The following KLHL3 variants were observed in gnomAD, a reference collection of about 807,000 sequenced individuals.
KLHL3 encodes the protein kelch-like protein 3.
A neutral mutation model predicts 70.5 loss-of-function variants in KLHL3; 19 were observed. That is an observed-to-expected ratio of 0.27 (90% CI 0.19 to 0.40). The LOEUF is 0.40. KLHL3 is among the 10% of genes least tolerant of loss of function. The pLI is 1.00. For synonymous variants in KLHL3, 258 were observed against 290.3 expected, an observed-to-expected ratio of 0.89 and a Z score of 1.13; for missense variants, 512 against 771.1, an observed-to-expected ratio of 0.66 and a Z score of 3.98.
At chr5:137,664,776 C>A (rs537518124) in intron 6 of KLHL3, among the ~76,000 whole-genome samples, 2 of 152,132 alleles carry the variant, frequency 1.3e-5, no homozygotes, top group East Asian at 1.9e-4. Flanking sequence ...TGTAACCATG[C>A]CACTGCACTC....
At position 137,625,871 on chromosome 5, in the gene KLHL3, C is replaced by G. The variant is rs567426394; in HGVS notation, c.1617G>C (p.Leu539=). 3.1e-6 allele frequency: 5 copies of G among 1,614,204 alleles called. No homozygotes were observed. Among genetic ancestry groups the G allele is most frequent in the African/African-American group, 1.3e-5 (1 of 75,042 alleles). The change falls in exon 14 of 15, where the codon CTG becomes CTC. Residue 539 remains leucine, a synonymous_variant. Transcript: ENST00000309755. ...ATCCATCATCCCCTCCAACCACATA[C>G]AGGAGCCCATTTACTGCACAGACCC... ...NAGVCAVNGL[L]YVVGGDDGSC...
chr5:137,682,798 C>T (rs1248446922), intron 5 of KLHL3, among the ~76,000 whole-genome samples: 1 of 152,196 alleles, frequency 6.6e-6, no homozygotes, highest in Non-Finnish European at 1.5e-5. Context: ...ATACCGAGCT[C>T]TAAAATTATT....
intron 5 of KLHL3, among the ~76,000 whole-genome samples, chr5:137,688,343 A>G (rs1008246339): frequency 2.0e-5 from 3 of 152,198 alleles, no homozygotes. Flanking sequence ...GAAAAGTAGG[A>G]GGGCCTGCTC....
chr5:137,658,114 A>G lies in KLHL3; in HGVS notation c.903+17T>C. 2 of 1,601,846 alleles carry G rather than the reference A, an allele frequency of 1.2e-6. No individual in the cohort carries two copies. The highest frequency in any genetic ancestry group is 3.6e-5 in the Admixed American group (2 of 56,176). ...GGCACAGTCCTGACTCTTGGTGGTG[A>G]TTGGGCTGGGGCTTACCTTGGGAAG... On this transcript the variant is annotated intron_variant, in intron 8 of 14. Transcript: ENST00000309755.
intron 3 of KLHL3, chr5:137,706,396 G>T (rs1024366342): frequency 1.0e-6 from 1 of 984,962 alleles, no homozygotes; most frequent in Non-Finnish European, 1.2e-6. Context: ...TGTTTACCAA[G>T]GTTTAGGCAA....
At chr5:137,735,586 T>A in intron 1 of KLHL3, 47 bp downstream of exon 1, 1 of 1,451,018 alleles carries the variant, frequency 6.9e-7, no homozygotes, top group Non-Finnish European at 9.7e-7. Context: ...CAAGCACACA[T>A]ACACTTACAT....
At chr5:137,669,269 C>G (rs568615022) in intron 6 of KLHL3, among the ~76,000 whole-genome samples, 137 of 152,166 alleles carry the variant, frequency 9.0e-4, no homozygotes, top group African/African-American at 3.3e-3. Context: ...GATAAAATAT[C>G]TCTCCTCTAT....
At chr5:137,722,985 T>C (rs1245048785) in intron 1 of KLHL3, among the ~76,000 whole-genome samples, 1 of 152,224 alleles carries the variant, frequency 6.6e-6, no homozygotes, top group East Asian at 1.9e-4. Flanking sequence ...CTGATATTTA[T>C]GTCAGGATAT....
In KLHL3 at chr5:137,628,378, T is replaced by C. The variant is rs549007771; in HGVS notation, c.1510A>G (p.Arg504Gly). The change falls in exon 13 of 15, where the codon AGG becomes GGG. Residue 504 changes from arginine (R) to glycine (G), a missense_variant. Physicochemically the swap from Arg to Gly is moderately radical, Grantham distance 125 (BLOSUM62 -2). Transcript: ENST00000309755. ...ATGGHDGPLV[R>G]KSVEVYDPGT... is the part of the protein sequence containing the mutation. ...GGATCGTAAACCTCAACGCTCTTCC[T>C]CACCAAAGGCCCATCATGCCCACCT... The C allele has an allele frequency of 1.2e-6, 2 of 1,614,148 alleles. No homozygotes were observed. Among genetic ancestry groups the C allele is most frequent in the East Asian group, 4.5e-5 (2 of 44,874 alleles).
rs1453847544 is a variant in KLHL3, at chr5:137,619,718, T to C, written c.*2380A>G. On this transcript the variant is annotated 3_prime_UTR_variant, in exon 15 of 15. Transcript: ENST00000309755. ...TGAAAAAGGATACATGAGGATGGAG[T>C]GCACATGGCCTTGGCAGCACGCCCA... 1 of 152,546 alleles carries C rather than the reference T, an allele frequency of 6.6e-6. No individual in the cohort carries two copies. The highest frequency in any genetic ancestry group is 1.5e-5 in the Non-Finnish European group (1 of 68,046). The allele number at this position is 152,546 out of a possible 1,614,324, so 9.4% of individuals were successfully genotyped here.
At chr5:137,722,223 G>A (rs1373529319) in intron 1 of KLHL3, among the ~76,000 whole-genome samples, 1 of 152,192 alleles carries the variant, frequency 6.6e-6, no homozygotes, top group Non-Finnish European at 1.5e-5. Flanking sequence ...ATCTCACACT[G>A]GAATTCGTAA....
intron 8 of KLHL3, among the ~76,000 whole-genome samples, chr5:137,650,815 T>A (rs1751180434): frequency 7.6e-6 from 1 of 131,294 alleles, no homozygotes; most frequent in African/African-American, 2.9e-5. Flanking sequence ...GGAGCAAAAC[T>A]CCATCTAAAA....
At chr5:137,673,373 C>T (rs1751809221) in intron 6 of KLHL3, among the ~76,000 whole-genome samples, 1 of 152,150 alleles carries the variant, frequency 6.6e-6, no homozygotes, top group Admixed American at 6.5e-5. Context: ...TCTTCTTCAA[C>T]CTCTTGAACA....
At chr5:137,651,075 C>T (rs1417021394) in intron 8 of KLHL3, among the ~76,000 whole-genome samples, 4 of 152,054 alleles carry the variant, frequency 2.6e-5, no homozygotes, top group Non-Finnish European at 4.4e-5. Flanking sequence ...CATGTGAAAA[C>T]GCAGGTATGA....
intron 8 of KLHL3, among the ~76,000 whole-genome samples, chr5:137,646,997 G>A (rs1751064509): frequency 6.6e-6 from 1 of 152,190 alleles, no homozygotes; most frequent in Admixed American, 6.5e-5. Context: ...CTGTCACTGT[G>A]TTGAAGGCTG....
chr5:137,641,524 T>C (rs765937094), intron 8 of KLHL3, among the ~76,000 whole-genome samples: 6 of 152,240 alleles, frequency 3.9e-5, no homozygotes, highest in Non-Finnish European at 7.3e-5. Flanking sequence ...TTTGCCATTA[T>C]GAATTATCAT....
intron 12 of KLHL3, chr5:137,629,393 C>T (rs539690068): frequency 2.0e-5 from 3 of 152,240 alleles, no homozygotes; most frequent in African/African-American, 7.2e-5. Context: ...TTCTCCACTC[C>T]ATGGGCAGGC....
intron 8 of KLHL3, among the ~76,000 whole-genome samples, chr5:137,657,265 C>G (rs560631885): frequency 5.9e-5 from 9 of 152,274 alleles, no homozygotes; most frequent in Middle Eastern, 3.4e-3. Context: ...TAAATAATTT[C>G]CTGGTGCTGC....
At chr5:137,685,900 C>T (rs1168364021) in intron 5 of KLHL3, among the ~76,000 whole-genome samples, 1 of 152,190 alleles carries the variant, frequency 6.6e-6, no homozygotes, top group Non-Finnish European at 1.5e-5. Flanking sequence ...AAGGTGCTGC[C>T]AGCAGTTCTC....
Sources: gnomAD v4.1 joint callset for allele counts (sites outside exome capture counted in the v4.1 genomes callset) on GRCh38, gnomAD v4.1.1 for gene constraint, MANE v1.5 for transcripts, NCBI Gene and HGNC (gene_info 2026-07-23, HGNC 2026-07-21) for gene names.